KLHL29: variants seen among roughly 807,000 people sequenced by gnomAD.
KLHL29 encodes the protein kelch-like protein 29.
In KLHL29, 21 loss-of-function variants were observed where a neutral mutation model predicts 80.4. The ratio of observed to expected loss-of-function variants is 0.26; its 90% CI spans 0.19 to 0.38. The LOEUF is 0.38. Ranked by LOEUF, KLHL29 falls within the 10% of genes least tolerant of loss-of-function variation. The pLI is 1.00. For missense variants in KLHL29, 867 were observed against 1,223.9 expected (o/e 0.71, Z 4.35); for synonymous variants, 511 against 526.8 (o/e 0.97, Z 0.41).
chr2:23,446,337 C>T (rs1174598300), intron 1 of KLHL29, among the ~76,000 whole-genome samples: 1 of 151,982 alleles, frequency 6.6e-6, no homozygotes, highest in Admixed American at 6.6e-5. Context: ...GGTCTATTTG[C>T]CAACTTTCTC....
At chr2:23,556,231 T>C (rs928105229) in intron 2 of KLHL29, among the ~76,000 whole-genome samples, 1 of 152,110 alleles carries the variant, frequency 6.6e-6, no homozygotes, top group Non-Finnish European at 1.5e-5. Flanking sequence ...CAGACTTGAA[T>C]CTGGGCTCAG....
At chr2:23,572,902 A>G (rs55891714) in intron 3 of KLHL29, among the ~76,000 whole-genome samples, 2,476 of 152,286 alleles carry the variant, frequency 0.016, 66 homozygotes, top group African/African-American at 0.049. Flanking sequence ...GGGTTTCACC[A>G]TGGTCTCGAT....
In KLHL29 at chr2:23,589,125, G is replaced by A. The variant is rs80068094; in HGVS notation, c.285+26644G>A. ...TTGAAGTTGCTCAATAAATGTCTGT[G>A]AATTTAATATAATCAAATGGCTGAA... On this transcript the variant is annotated intron_variant, in intron 3 of 13. Coordinates refer to ENST00000486442, the MANE Select transcript of KLHL29 (RefSeq NM_052920.2). Among the ~76,000 whole-genome samples, 1,448 of 152,334 alleles carry A rather than the reference G, an allele frequency of 9.5e-3. 8 individuals are homozygous for A. Among genetic ancestry groups the A allele is most frequent in the South Asian group, 0.02 (95 of 4,828 alleles).
intron 3 of KLHL29, among the ~76,000 whole-genome samples, chr2:23,620,778 GAGA>G (rs907697783): frequency 4.6e-5 from 7 of 152,358 alleles, no homozygotes; most frequent in African/African-American, 1.7e-4. Flanking sequence ...AGGGAGGCAG[GAGA>G]AGAACGTTCC....
intron 1 of KLHL29, among the ~76,000 whole-genome samples, chr2:23,399,380 G>T (rs987980776): frequency 6.6e-6 from 1 of 152,162 alleles, no homozygotes; most frequent in Non-Finnish European, 1.5e-5. Context: ...GATTAAAATG[G>T]TAAATGTTAT....
chr2:23,472,486 T>C (rs762666190), intron 1 of KLHL29, among the ~76,000 whole-genome samples: 28 of 152,080 alleles, frequency 1.8e-4, no homozygotes, highest in Non-Finnish European at 3.1e-4. Context: ...ATACAAAAAT[T>C]AGCCGGGCAT....
chr2:23,659,048 C>A lies in KLHL29; in HGVS notation c.940+16198C>A, dbSNP rs371452507. ...TTTCATGTCTGTCTCCCCCACTCAA[C>A]TGTGAGTGACTTTAGAACACCCCCG... On this transcript the variant is annotated intron_variant, in intron 5 of 13. Transcript: ENST00000486442. Among the ~76,000 whole-genome samples, 21 of 152,362 alleles carry A rather than the reference C, an allele frequency of 1.4e-4. No individual in the cohort carries two copies. The East Asian group carries it at 2.3e-3, about 17-fold the overall frequency.
chr2:23,615,445 C>T (rs1349147190), intron 3 of KLHL29, among the ~76,000 whole-genome samples: 1 of 152,210 alleles, frequency 6.6e-6, no homozygotes, highest in Non-Finnish European at 1.5e-5. Context: ...AGTCAGGACA[C>T]TCGGAGCATC....
At position 23,619,925 on chromosome 2, in the gene KLHL29, A is replaced by G. The variant is rs187639055; in HGVS notation, c.286-19214A>G. On this transcript the variant is annotated intron_variant, in intron 3 of 13. Transcript: ENST00000486442. Reference sequence around the variant, plus strand: ...ATAGTATAAAGTATGGGGTTGAGCAAATAGGACTTAGAGTCCAGTAGCTCA... The same window carrying G: ...ATAGTATAAAGTATGGGGTTGAGCAGATAGGACTTAGAGTCCAGTAGCTCA... Among the ~76,000 whole-genome samples, 583 of 152,328 alleles carry G rather than the reference A, an allele frequency of 3.8e-3. 2 individuals carry two copies. The highest frequency in any genetic ancestry group is 0.01 in the Middle Eastern group (3 of 294).
chr2:23,581,981 G>C (rs1667995970), intron 3 of KLHL29, among the ~76,000 whole-genome samples: 1 of 152,164 alleles, frequency 6.6e-6, no homozygotes, highest in South Asian at 2.1e-4. Context: ...CTTGAGGGTA[G>C]TTTGTCCTCC....
intron 3 of KLHL29, among the ~76,000 whole-genome samples, chr2:23,616,025 C>T (rs995045784): frequency 1.3e-5 from 2 of 152,186 alleles, no homozygotes; most frequent in African/African-American, 4.8e-5. Context: ...ACCCAAGGGT[C>T]AGTCCCCTTG....
intron 1 of KLHL29, among the ~76,000 whole-genome samples, chr2:23,396,736 G>A (rs1018511294): frequency 1.3e-5 from 2 of 152,106 alleles, no homozygotes; most frequent in Non-Finnish European, 2.9e-5. Context: ...ATTTCTTGCC[G>A]AAGCCTCGAT....
chr2:23,665,790 C>A (rs762926649), intron 5 of KLHL29, among the ~76,000 whole-genome samples: 8 of 152,164 alleles, frequency 5.3e-5, no homozygotes, highest in Non-Finnish European at 7.3e-5. Flanking sequence ...GACGGAGAGG[C>A]CTCTCATGAC....
chr2:23,541,209 A>C (rs1005201882), intron 2 of KLHL29, among the ~76,000 whole-genome samples: 8 of 152,194 alleles, frequency 5.3e-5, no homozygotes, highest in Middle Eastern at 3.2e-3. Flanking sequence ...ATGTTCAACA[A>C]ATATTTGGTG....
At position 23,696,224 on chromosome 2, in the gene KLHL29, A is replaced by G; in HGVS notation, c.1924+91A>G. On this transcript the variant is annotated intron_variant, in intron 10 of 13. Transcript: ENST00000486442. The surrounding 1 kb of genome is among the most constrained non-coding windows in gnomAD (Gnocchi z 5.5). Reference sequence around the variant, plus strand: ...AGGGCTGAGGAAGGCCATGGCCCAGAAGTGTCTACTTTGCAGGTGAAGCCT... The same window carrying G: ...AGGGCTGAGGAAGGCCATGGCCCAGGAGTGTCTACTTTGCAGGTGAAGCCT... 1 of 1,491,320 alleles carries G rather than the reference A, an allele frequency of 6.7e-7. No homozygotes were observed. Among genetic ancestry groups the G allele is most frequent in the Non-Finnish European group, 9.1e-7 (1 of 1,102,148 alleles). 92.4% of individuals were successfully genotyped at this position (1,491,320 alleles called of 1,614,324 possible).
At chr2:23,651,031 C>A (rs1362008886) in intron 5 of KLHL29, among the ~76,000 whole-genome samples, 3 of 152,110 alleles carry the variant, frequency 2.0e-5, no homozygotes, top group Non-Finnish European at 2.9e-5. Flanking sequence ...CATTCAAGAG[C>A]ACACTCACTA....
intron 1 of KLHL29, among the ~76,000 whole-genome samples, chr2:23,471,230 G>A (rs1417381411): frequency 1.3e-5 from 2 of 152,174 alleles, no homozygotes; most frequent in Non-Finnish European, 2.9e-5. Flanking sequence ...GTGTGGTTAC[G>A]ACCCTGGCGG....
In KLHL29 at chr2:23,562,778, A is replaced by G. The variant is rs1425378270; in HGVS notation, c.285+297A>G. ...CTATTAATGAGTGAAGTAACAGTGG[A>G]CCTCCAAGATGGCAATATGGGGTTC... On this transcript the variant is annotated intron_variant, in intron 3 of 13. Transcript: ENST00000486442. This position sits in a 1 kb window ranked among gnomAD's most constrained non-coding sequence, Gnocchi z 4.5. Among the ~76,000 whole-genome samples, 2 of 152,202 alleles carry G rather than the reference A, an allele frequency of 1.3e-5. No individual in the cohort carries two copies. The highest frequency in any genetic ancestry group is 2.9e-5 in the Non-Finnish European group (2 of 68,030).
intron 3 of KLHL29, among the ~76,000 whole-genome samples, chr2:23,566,950 A>C (rs980505763): frequency 1.3e-5 from 2 of 152,190 alleles, no homozygotes; most frequent in South Asian, 2.1e-4. Flanking sequence ...GGCTGAAGAA[A>C]GGTGCATTGG....
Sources: allele counts gnomAD v4.1 joint callset (sites outside exome capture counted in the v4.1 genomes callset), GRCh38; gene constraint gnomAD v4.1.1; non-coding constraint Gnocchi (gnomAD v3.1); transcripts MANE v1.5; gene names NCBI Gene and HGNC (gene_info 2026-07-23, HGNC 2026-07-21).